The following ZC3HAV1 variants were observed in gnomAD, a reference collection of about 807,000 sequenced individuals.
ZC3HAV1 encodes the protein zinc finger CCCH-type antiviral protein 1.
In ZC3HAV1, 41 loss-of-function variants were observed where a neutral mutation model predicts 86.6. That is an observed-to-expected ratio of 0.47 (90% CI 0.37 to 0.61). The LOEUF (loss-of-function observed/expected upper bound fraction) is 0.61, where lower values mean the gene tolerates loss of function less well. Among genes scored for constraint, ZC3HAV1 ranks in the 20% least tolerant of loss-of-function variants. The pLI, the probability that ZC3HAV1 is intolerant of heterozygous loss-of-function variation, is 0.00. For synonymous variants in ZC3HAV1, 421 were observed against 432.1 expected (o/e 0.97, Z 0.32); for missense variants, 964 against 1,141.1 (o/e 0.84, Z 2.24).
In ZC3HAV1 at chr7:139,047,736, G is replaced by A. The variant is rs542431197; in HGVS notation, c.2567C>T (p.Thr856Met). 1.3e-4 allele frequency: 213 copies of A among 1,614,008 alleles called. 1 individual carries two copies. Among genetic ancestry groups the A allele is most frequent in the Non-Finnish European group, 1.7e-4 (195 of 1,180,028 alleles). Reference protein sequence around the residue: ...LVGKFTEGNITYTSPPPQFDS... With the variant: ...LVGKFTEGNIMYTSPPPQFDS... ...GAACTGTGGAGGAGGGCTCGTGTACGTTATATTTCCTTCAGTAAACTTTCC... is the reference window on the plus strand; with the variant it reads ...GAACTGTGGAGGAGGGCTCGTGTACATTATATTTCCTTCAGTAAACTTTCC... The change falls in exon 13 of 13, where the codon ACG becomes ATG. Residue 856 changes from threonine (T) to methionine (M), a missense_variant. By Grantham distance (81) the Thr-to-Met change is moderately conservative (BLOSUM62 -1). Coordinates refer to ENST00000242351, the MANE Select transcript of ZC3HAV1 (RefSeq NM_020119.4).
intron 1 of ZC3HAV1, among the ~76,000 whole-genome samples, chr7:139,095,553 A>ACC (rs1343453756): frequency 6.6e-6 from 1 of 152,232 alleles, no homozygotes; most frequent in Non-Finnish European, 1.5e-5. Flanking sequence ...CACAGCCTGC[A>ACC]CCGAGGAGGA....
rs893829525 is a variant in ZC3HAV1, at chr7:139,076,396, T to C, written c.1587A>G (p.Lys529=). ...ACCGGTAAGGCAGATGGAAGTGGAC[T>C]TTGCTGCAGCTACCTACAAAGACAA... is the stretch of plus-strand genomic sequence containing the variant. The part of the protein sequence containing the change: ...KGCPLNGSCS[K]VHFHLPYRWQ... Residue 529 remains lysine (K), a synonymous_variant, in exon 6 of 13, where the codon AAA becomes AAG. Transcript: ENST00000242351. The C allele has an allele frequency of 1.2e-6, 2 of 1,614,068 alleles. No individual in the cohort carries two copies. Among genetic ancestry groups the C allele is most frequent in the East Asian group, 4.5e-5 (2 of 44,886 alleles).
rs1563145496 is a variant in ZC3HAV1 at position 139,109,410 on chromosome 7, C to T, written c.-79G>A. The T allele has an allele frequency of 4.2e-6, 6 of 1,436,912 alleles. No individual in the cohort carries two copies. The highest frequency in any genetic ancestry group is 5.5e-6 in the Non-Finnish European group (6 of 1,097,562). The allele number at this position is 1,436,912 out of a possible 1,614,324, so 89.0% of individuals were successfully genotyped here. A position where few individuals can be genotyped will look rare whatever the true frequency, so the allele number is the denominator to read the frequency against. ...TCGGAAATCGAAACTTACAAGTGTC[C>T]AGGGGCGGGCGCGGGCGGTGCTACT... On this transcript the variant is annotated 5_prime_UTR_variant, in exon 1 of 13. Transcript: ENST00000242351.
intron 1 of ZC3HAV1, among the ~76,000 whole-genome samples, chr7:139,100,085 A>G (rs1472349135): frequency 6.6e-6 from 1 of 152,066 alleles, no homozygotes; most frequent in Non-Finnish European, 1.5e-5. Flanking sequence ...ACAAACAAAC[A>G]AAAACTGTTA....
intron 7 of ZC3HAV1, among the ~76,000 whole-genome samples, chr7:139,071,653 TCA>T (rs1816776506): frequency 1.3e-5 from 2 of 152,148 alleles, no homozygotes; most frequent in South Asian, 4.1e-4. Flanking sequence ...ATAGGTGTTT[TCA>T]CACACACGGG....
At chr7:139,097,434 T>TTTTTTTTTTTTTTTTTTTTTTATTTTA in intron 1 of ZC3HAV1, among the ~76,000 whole-genome samples, 1 of 105,854 alleles carries the variant, frequency 9.4e-6, no homozygotes, top group African/African-American at 4.5e-5. Context: ...ATATATTTTT[T>TTTTTTTTTTTTTTTTTTTTTTATTTTA]TTTTTTTTTT....
intron 1 of ZC3HAV1, among the ~76,000 whole-genome samples, chr7:139,090,629 A>C (rs960910526): frequency 2.0e-5 from 3 of 152,160 alleles, no homozygotes; most frequent in Non-Finnish European, 4.4e-5. Context: ...CAAAATATTG[A>C]ATATTATCGG....
At chr7:139,104,471 TG>T (rs1817866920) in intron 1 of ZC3HAV1, among the ~76,000 whole-genome samples, 2 of 148,934 alleles carry the variant, frequency 1.3e-5, no homozygotes. Flanking sequence ...CCCAGCACTT[TG>T]GGAGGCTGAG....
intron 1 of ZC3HAV1, among the ~76,000 whole-genome samples, chr7:139,105,236 A>G (rs1361747960): frequency 2.0e-5 from 3 of 152,050 alleles, no homozygotes; most frequent in Non-Finnish European, 2.9e-5. Flanking sequence ...AAAGGAAGTC[A>G]TGCAGATCTA....
In ZC3HAV1 at chr7:139,079,451, G is replaced by A. The variant is rs1349283539; in HGVS notation, c.1471+19C>T. On this transcript the variant is annotated intron_variant, in intron 4 of 12. Coordinates refer to ENST00000242351, the MANE Select transcript of ZC3HAV1 (RefSeq NM_020119.4). The stretch of plus-strand genomic sequence containing the variant: ...ATGAACAAATGTACTAGCCCAAAGT[G>A]TCTTCCCTTTGTATTTACCGTTAAC... The A allele has an allele frequency of 1.1e-5, 18 of 1,613,964 alleles. No homozygotes were observed. In the African/African-American group the frequency reaches 2.3e-4, roughly 20 times the overall value.
Position 139,078,605 on chromosome 7 carries a change from T to A in ZC3HAV1, c.1520A>T (p.His507Leu). ...TSTTSSRVDD[H>L]DSEEICLDHL... ...GTCAAGACAAATTTCCTCTGAGTCA[T>A]GATCATCCACCCTAGAAGATGTGGT... Residue 507 changes from histidine (H) to leucine (L), a missense_variant, in exon 5 of 13, where the codon CAT becomes CTT. Physicochemically the swap from His to Leu is moderately conservative, Grantham distance 99. Coordinates refer to ENST00000242351, the MANE Select transcript of ZC3HAV1 (RefSeq NM_020119.4). The A allele has an allele frequency of 6.3e-7, 1 of 1,590,916 alleles. No homozygotes were observed. The highest frequency in any genetic ancestry group is 8.5e-7 in the Non-Finnish European group (1 of 1,174,074).
intron 9 of ZC3HAV1, among the ~76,000 whole-genome samples, chr7:139,059,246 C>T (rs967053282): frequency 2.0e-5 from 3 of 152,270 alleles, no homozygotes; most frequent in African/African-American, 7.2e-5. Context: ...TGTAAGCTCC[C>T]GTGAGGGCAT....
intron 8 of ZC3HAV1, 61 bp from the exon 9 acceptor site, chr7:139,061,199 CTTG>C (rs2130677229): frequency 2.0e-6 from 3 of 1,529,630 alleles, no homozygotes; most frequent in Non-Finnish European, 2.7e-6. Context: ...AAAATGACTT[CTTG>C]TTATTTTGCA....
At chr7:139,051,681 C>T (rs1816129032) in intron 12 of ZC3HAV1, among the ~76,000 whole-genome samples, 1 of 152,332 alleles carries the variant, frequency 6.6e-6, no homozygotes, top group East Asian at 1.9e-4. Flanking sequence ...ACCTCAGCCT[C>T]CCAAAGTACA....
intron 1 of ZC3HAV1, among the ~76,000 whole-genome samples, chr7:139,102,315 GT>G (rs551361395): frequency 4.3e-4 from 66 of 152,102 alleles, no homozygotes; most frequent in African/African-American, 1.3e-3. Context: ...ATTTTTTAAT[GT>G]TTTTGTAGGA....
Position 139,062,623 on chromosome 7 carries a change from C to T in ZC3HAV1, c.1994-1485G>A, listed in dbSNP as rs765525365. Among the ~76,000 whole-genome samples, 70 of 152,282 alleles carry T rather than the reference C, an allele frequency of 4.6e-4. 1 individual carries two copies. The highest frequency in any genetic ancestry group is 3.4e-3 in the Middle Eastern group (1 of 294). ...CTCACCACCCTTTTGAATACAGGCT[C>T]GAAGAGCAACTTCATCACTGTATCC... On this transcript the variant is annotated intron_variant, in intron 8 of 12. Coordinates refer to ENST00000242351, the MANE Select transcript of ZC3HAV1 (RefSeq NM_020119.4).
intron 8 of ZC3HAV1, among the ~76,000 whole-genome samples, chr7:139,064,059 T>A (rs3800604): frequency 0.31 from 47,270 of 152,200 alleles, 9,472 homozygotes; most frequent in African/African-American, 0.54. Context: ...CATATTAGCA[T>A]ATTTTAATGT....
intron 8 of ZC3HAV1, 103 bp from the exon 9 acceptor site, chr7:139,061,241 A>G: frequency 9.2e-7 from 1 of 1,087,356 alleles, no homozygotes; most frequent in South Asian, 1.5e-5. Flanking sequence ...AATATTCAAG[A>G]CTGACCTGTA....
At chr7:139,058,817 T>A (rs1816364383) in intron 9 of ZC3HAV1, among the ~76,000 whole-genome samples, 1 of 152,110 alleles carries the variant, frequency 6.6e-6, no homozygotes, top group Non-Finnish European at 1.5e-5. Context: ...ACAGGAGCTA[T>A]CTGGAAATGC....
Sources: gnomAD v4.1 joint callset for allele counts (sites outside exome capture counted in the v4.1 genomes callset) on GRCh38, gnomAD v4.1.1 for gene constraint, MANE v1.5 for transcripts, NCBI Gene and HGNC (gene_info 2026-07-23, HGNC 2026-07-21) for gene names.